Variants in CPEB1 observed in about 807,000 individuals in gnomAD.
CPEB1 encodes cytoplasmic polyadenylation element-binding protein 1.
Under a neutral mutation model 65.8 loss-of-function variants are expected in CPEB1, and 7 were observed. That is an observed-to-expected ratio of 0.11 (90% confidence interval 0.06 to 0.20). The LOEUF is 0.20. Among genes scored for constraint, CPEB1 ranks in the 10% least tolerant of loss-of-function variants. The pLI, the probability that CPEB1 is intolerant of heterozygous loss-of-function variation, is 1.00. For missense variants in CPEB1, 551 were observed against 712.2 expected, an observed-to-expected ratio of 0.77 and a Z score of 2.58; for synonymous variants, 262 against 260.0, an observed-to-expected ratio of 1.01 and a Z score of -0.08.
At chr15:82,621,558 C>T (rs1466138495) in intron 3 of CPEB1, among the ~76,000 whole-genome samples, 1 of 150,488 alleles carries the variant, frequency 6.6e-6, no homozygotes, top group African/African-American at 2.5e-5. Context: ...GCAGAGGTTG[C>T]GGTGAGCCAA....
intron 12 of CPEB1, among the ~76,000 whole-genome samples, 179 bp from the exon 13 acceptor site, chr15:82,544,881 T>A (rs2034887253): frequency 2.0e-5 from 3 of 152,246 alleles, no homozygotes; most frequent in East Asian, 3.9e-4. Context: ...TGATTAACTA[T>A]GGCAAACCCA....
intron 12 of CPEB1, 103 bp downstream of exon 12, chr15:82,546,338 G>A (rs1337141819): frequency 1.2e-5 from 10 of 866,820 alleles, no homozygotes; most frequent in East Asian, 7.4e-5. Context: ...CTCCTGATCC[G>A]CCCACCTTGG....
intron 3 of CPEB1, among the ~76,000 whole-genome samples, chr15:82,577,238 T>C (rs559642402): frequency 1.3e-5 from 2 of 152,322 alleles, no homozygotes; most frequent in South Asian, 2.1e-4. Context: ...TTTTATTGTT[T>C]TGTAGAGACA....
intron 1 of CPEB1, among the ~76,000 whole-genome samples, chr15:82,642,189 G>A (rs1295524489): frequency 1.3e-5 from 2 of 152,144 alleles, no homozygotes; most frequent in African/African-American, 2.4e-5. Flanking sequence ...CTGCAACAAC[G>A]GCAGGAAAAA....
intron 3 of CPEB1, among the ~76,000 whole-genome samples, chr15:82,610,507 G>T (rs889807373): frequency 6.6e-6 from 1 of 151,678 alleles, no homozygotes; most frequent in African/African-American, 2.4e-5. Flanking sequence ...AGAAGACAAG[G>T]TTGGTTCATT....
At chr15:82,607,512 G>C (rs2043732382) in intron 3 of CPEB1, among the ~76,000 whole-genome samples, 2 of 152,052 alleles carry the variant, frequency 1.3e-5, no homozygotes, top group South Asian at 4.2e-4. Flanking sequence ...TGCTTGAACT[G>C]GGAAGCAGAA....
intron 3 of CPEB1, among the ~76,000 whole-genome samples, chr15:82,574,151 C>T (rs2040386523): frequency 6.6e-6 from 1 of 152,176 alleles, no homozygotes; most frequent in Non-Finnish European, 1.5e-5. Flanking sequence ...CCACCACAGA[C>T]CTCACCTTCC....
chr15:82,597,861 A>G (rs1287959389), intron 3 of CPEB1, among the ~76,000 whole-genome samples: 1 of 152,248 alleles, frequency 6.6e-6, no homozygotes, highest in African/African-American at 2.4e-5. Context: ...TCAAAGTGGA[A>G]GGAGGAGATG....
chr15:82,569,743 G>C (rs1031366426), intron 4 of CPEB1, among the ~76,000 whole-genome samples: 3 of 152,216 alleles, frequency 2.0e-5, no homozygotes, highest in African/African-American at 7.2e-5. Context: ...TAGAGAATGA[G>C]AGCCAAAGAA....
chr15:82,571,737 C>G, intron 3 of CPEB1: 1 of 1,420,592 alleles, frequency 7.0e-7, no homozygotes, highest in Non-Finnish European at 9.2e-7. Flanking sequence ...CCCTCACACA[C>G]ACACCCCTAT....
At chr15:82,644,044 G>C (rs1220618399) in intron 1 of CPEB1, among the ~76,000 whole-genome samples, 3 of 152,170 alleles carry the variant, frequency 2.0e-5, no homozygotes. Context: ...AGAGGGTTGG[G>C]AGGGTCACCC....
rs369722465 is a variant in CPEB1, at chr15:82,602,344, C to G, written c.271+24849G>C. ...ACAACTCATAAAATGCACTTAAATC[C>G]ATGCTGAGCGGGAAATTTATAGTCT... On this transcript the variant is annotated intron_variant, in intron 3 of 12. Coordinates refer to ENST00000684509, the MANE Select transcript of CPEB1 (RefSeq NM_001365242.1). Among the ~76,000 whole-genome samples the G allele has an allele frequency of 1.6e-3, 250 of 152,152 alleles. 1 individual carries two copies. Among genetic ancestry groups the G allele is most frequent in the African/African-American group, 5.8e-3 (239 of 41,508 alleles).
At chr15:82,599,281 C>T (rs2042912311) in intron 3 of CPEB1, among the ~76,000 whole-genome samples, 1 of 152,156 alleles carries the variant, frequency 6.6e-6, no homozygotes, top group Non-Finnish European at 1.5e-5. Flanking sequence ...TCACTCATAC[C>T]ATCACACTAA....
chr15:82,616,667 C>T (rs367638736), intron 3 of CPEB1, among the ~76,000 whole-genome samples: 9 of 152,090 alleles, frequency 5.9e-5, no homozygotes, highest in East Asian at 3.9e-4. Context: ...CTCAGCCTCC[C>T]AAGTAGCTGG....
At chr15:82,617,558 C>A (rs1246004390) in intron 3 of CPEB1, among the ~76,000 whole-genome samples, 1 of 151,926 alleles carries the variant, frequency 6.6e-6, no homozygotes, top group South Asian at 2.1e-4. Context: ...TAAGAAAATC[C>A]AAATAAAATA....
chr15:82,556,098 G>T lies in CPEB1; in HGVS notation c.712C>A (p.Leu238Met). The change falls in exon 6 of 13, where the codon CTG (leucine) becomes ATG (methionine). Residue 238 changes from leucine (L) to methionine (M), a missense_variant. Around this residue, in one of 6 missense-constraint regions of CPEB1, gnomAD observed 128 missense variants for 129.1 expected, o/e 0.99. Transcript: ENST00000684509. ...CCCCCTGACAGAGACAGGAAGGGCA[G>T]AGGTGGAGAAATGCGAAGGCTTGAC... ...LISSLRISPP[L>M]PFLSLSGGGP... 6.2e-7 allele frequency: 1 copy of T among 1,608,054 alleles called. No homozygotes were observed. Among genetic ancestry groups the T allele is most frequent in the Non-Finnish European group, 8.5e-7 (1 of 1,177,828 alleles).
At position 82,597,503 on chromosome 15, in the gene CPEB1, C is replaced by T. The variant is rs186605103; in HGVS notation, c.272-25971G>A. 2.0e-4 allele frequency among the ~76,000 whole-genome samples: 30 copies of T among 152,284 alleles called. No homozygotes were observed. The East Asian group carries it at 5.6e-3, about 28-fold the overall frequency. ...AAGACAGTTATTTAATTAATTGAGA[C>T]ATGCATTAAATCATTTCTTACTTTC... On this transcript the variant is annotated intron_variant, in intron 3 of 12. Coordinates refer to ENST00000684509, the MANE Select transcript of CPEB1 (RefSeq NM_001365242.1).
At chr15:82,602,806 T>C (rs2043234629) in intron 3 of CPEB1, among the ~76,000 whole-genome samples, 1 of 152,126 alleles carries the variant, frequency 6.6e-6, no homozygotes. Context: ...AGATCATGCA[T>C]GGCACTCCAG....
chr15:82,627,282 C>G lies in CPEB1; in HGVS notation c.182G>C (p.Arg61Pro), dbSNP rs751474815. 6.2e-7 allele frequency: 1 copy of G among 1,613,524 alleles called. No individual in the cohort carries two copies. The change falls in exon 3 of 13, where the codon CGA (arginine) becomes CCA (proline). Residue 61 changes from arginine (R) to proline (P), a missense_variant. Arg to Pro is a moderately radical substitution (Grantham distance 103, BLOSUM62 -2). Coordinates refer to ENST00000684509, the MANE Select transcript of CPEB1 (RefSeq NM_001365242.1). The stretch of plus-strand genomic sequence containing the variant: ...ATTATCCAATATGGCATTTATCCTT[C>G]GAAAGATATTGGCATTACTACACGT... ...LSTCSNANIF[R>P]RINAILDNSL... is the part of the protein sequence containing the mutation.
Sources: allele counts gnomAD v4.1 joint callset (sites outside exome capture counted in the v4.1 genomes callset), GRCh38; gene constraint gnomAD v4.1.1; regional missense constraint gnomAD v4.1.1; transcripts MANE v1.5; gene names NCBI Gene and HGNC (gene_info 2026-07-23, HGNC 2026-07-21).